The following ZFHX3 variants were observed in gnomAD, a reference collection of about 807,000 sequenced individuals.
The protein encoded by ZFHX3 is zinc finger homeobox protein 3.
ZFHX3 carries 42 observed loss-of-function variants against 279.1 expected under a neutral mutation model. That is an observed-to-expected ratio of 0.15 (90% CI 0.12 to 0.19). The LOEUF (loss-of-function observed/expected upper bound fraction) is 0.19, where lower values mean the gene tolerates loss of function less well. Ranked by LOEUF, ZFHX3 falls within the 10% of genes least tolerant of loss-of-function variation. ZFHX3 has a pLI of 1.00. For missense variants in ZFHX3, 4,981 were observed against 4,754.0 expected (o/e 1.05, Z -1.40); for synonymous variants, 2,293 against 1,957.8 (o/e 1.17, Z -4.52).
intron 1 of ZFHX3, among the ~76,000 whole-genome samples, chr16:73,038,046 T>C (rs562439722): frequency 6.6e-6 from 1 of 152,276 alleles, no homozygotes; most frequent in South Asian, 2.1e-4. Context: ...TCTCGGCCAT[T>C]AGTATTCCAT....
At chr16:72,858,252 T>G (rs1182208838) in intron 4 of ZFHX3, among the ~76,000 whole-genome samples, 3 of 152,214 alleles carry the variant, frequency 2.0e-5, no homozygotes, top group Non-Finnish European at 4.4e-5. Context: ...TATGACTTAT[T>G]TATTTATTTC....
rs371374346 is a variant in ZFHX3 at position 73,130,992 on chromosome 16, C to G, written c.-921G>C. ...CCTCTATGCAACTGCCGCTTTGTGC[C>G]TGAGCTGGTGGCGCTGGTTCTGGAG... On this transcript the variant is annotated 5_prime_UTR_variant, in exon 7 of 18. Transcript: ENST00000641206. 402 of 1,305,308 alleles carry G rather than the reference C, an allele frequency of 3.1e-4. No homozygotes were observed. In the African/African-American group the frequency reaches 5.7e-3, roughly 18 times the overall value. 80.9% of individuals were successfully genotyped at this position (1,305,308 alleles called of 1,614,324 possible).
At chr16:73,767,183 C>G (rs983818152) in intron 1 of ZFHX3, among the ~76,000 whole-genome samples, 4 of 152,010 alleles carry the variant, frequency 2.6e-5, no homozygotes, top group African/African-American at 9.7e-5. Context: ...GTGATCTGCC[C>G]ACTTCCACCT....
At chr16:72,905,943 C>T (rs577415852) in intron 3 of ZFHX3, among the ~76,000 whole-genome samples, 9 of 152,184 alleles carry the variant, frequency 5.9e-5, no homozygotes, top group African/African-American at 1.2e-4. Context: ...ATATAACCCA[C>T]GTGGTTAAGG....
At chr16:72,948,351 C>A (rs1001446914) in intron 3 of ZFHX3, among the ~76,000 whole-genome samples, 2 of 152,158 alleles carry the variant, frequency 1.3e-5, no homozygotes, top group African/African-American at 4.8e-5. Context: ...ACCCTTCTAC[C>A]CACGCCATCT....
intron 1 of ZFHX3, among the ~76,000 whole-genome samples, chr16:73,759,227 G>A (rs1025985686): frequency 2.0e-5 from 3 of 152,160 alleles, no homozygotes; most frequent in Non-Finnish European, 4.4e-5. Context: ...CTTCTCTCTT[G>A]ATGCTTTGCC....
intron 5 of ZFHX3, among the ~76,000 whole-genome samples, chr16:72,823,082 GA>G (rs1184468300): frequency 4.0e-5 from 6 of 151,724 alleles, no homozygotes; most frequent in Non-Finnish European, 7.4e-5. Flanking sequence ...AAGTGGCCTG[GA>G]AAAAAAAGAG....
chr16:73,507,990 T>C (rs1410909272), intron 2 of ZFHX3, among the ~76,000 whole-genome samples: 1 of 152,238 alleles, frequency 6.6e-6, no homozygotes, highest in Non-Finnish European at 1.5e-5. Flanking sequence ...GGACAACATG[T>C]GTGATCCTCT....
intron 1 of ZFHX3, among the ~76,000 whole-genome samples, chr16:72,988,697 C>T (rs1384477112): frequency 6.6e-6 from 1 of 152,214 alleles, no homozygotes; most frequent in Non-Finnish European, 1.5e-5. Context: ...CATGATTCCC[C>T]CACATTAATA....
At chr16:73,019,116 T>C (rs924450174) in intron 1 of ZFHX3, among the ~76,000 whole-genome samples, 3 of 151,600 alleles carry the variant, frequency 2.0e-5, no homozygotes, top group Admixed American at 1.3e-4. Flanking sequence ...GTCAAAAGAG[T>C]TGGGATTAAA....
At chr16:72,908,749 C>T (rs1377107346) in intron 3 of ZFHX3, among the ~76,000 whole-genome samples, 1 of 152,218 alleles carries the variant, frequency 6.6e-6, no homozygotes, top group Non-Finnish European at 1.5e-5. Context: ...GTGCTAAAAT[C>T]AGCACGGCGA....
chr16:73,433,927 G>A (rs2017952621), intron 3 of ZFHX3, among the ~76,000 whole-genome samples: 2 of 152,326 alleles, frequency 1.3e-5, no homozygotes, highest in East Asian at 1.9e-4. Flanking sequence ...GCCAGAGGGA[G>A]AAAGACTGGA....
intron 1 of ZFHX3, among the ~76,000 whole-genome samples, chr16:73,717,162 T>G (rs1317289432): frequency 5.3e-5 from 8 of 152,202 alleles, no homozygotes; most frequent in Non-Finnish European, 1.2e-4. Flanking sequence ...GGGCTCTAGC[T>G]TGCTGTCACT....
chr16:73,704,430 T>C (rs193149630), intron 1 of ZFHX3, among the ~76,000 whole-genome samples: 5 of 152,280 alleles, frequency 3.3e-5, no homozygotes, highest in Admixed American at 3.3e-4. Context: ...AGGTTGGACA[T>C]TTTAAATCGT....
intron 5 of ZFHX3, among the ~76,000 whole-genome samples, chr16:73,230,140 A>G (rs956652756): frequency 1.3e-5 from 2 of 152,226 alleles, no homozygotes; most frequent in Admixed American, 1.3e-4. Flanking sequence ...GGATGAATAG[A>G]TGACTTGGAA....
Position 73,888,560 on chromosome 16 carries a change from A to G in ZFHX3, c.-1608+3091T>C, listed in dbSNP as rs190229710. Among the ~76,000 whole-genome samples the G allele has an allele frequency of 6.2e-3, 946 of 152,328 alleles. 10 individuals carry two copies. Among genetic ancestry groups the G allele is most frequent in the African/African-American group, 0.021 (877 of 41,564 alleles). On this transcript the variant is annotated intron_variant, in intron 1 of 17. Transcript: ENST00000641206. Reference sequence around the variant, plus strand: ...TTTAACTTTTACTTTATCTAATTGAACTACAGAGAAAATATCAGCTAAAAA... The same window carrying G: ...TTTAACTTTTACTTTATCTAATTGAGCTACAGAGAAAATATCAGCTAAAAA...
chr16:73,741,218 C>T (rs143258750), intron 1 of ZFHX3, among the ~76,000 whole-genome samples: 2 of 151,820 alleles, frequency 1.3e-5, no homozygotes, highest in East Asian at 1.9e-4. Context: ...AAATGGGCCA[C>T]CTTTTATAAT....
intron 2 of ZFHX3, chr16:73,543,881 A>AGAGG (rs1166954360): frequency 6.2e-5 from 9 of 145,568 alleles, no homozygotes; most frequent in Non-Finnish European, 1.2e-4. Context: ...AGAGAGCGAG[A>AGAGG]GAGGGAGAGA....
chr16:73,135,164 G>A (rs1198004314), intron 6 of ZFHX3, among the ~76,000 whole-genome samples: 2 of 152,110 alleles, frequency 1.3e-5, no homozygotes, highest in African/African-American at 4.8e-5. Flanking sequence ...CCAATAAACT[G>A]TATTATAGCT....
Sources: gnomAD v4.1 joint callset for allele counts (sites outside exome capture counted in the v4.1 genomes callset) on GRCh38, gnomAD v4.1.1 for gene constraint, MANE v1.5 for transcripts, NCBI Gene and HGNC (gene_info 2026-07-23, HGNC 2026-07-21) for gene names.